LEF1: variants seen among roughly 807,000 people sequenced by gnomAD.
LEF1 encodes the protein lymphoid enhancer binding factor 1.
LEF1 carries 14 observed loss-of-function variants against 51.2 expected under a neutral mutation model. The ratio of observed to expected loss-of-function variants is 0.27; its 90% CI spans 0.18 to 0.43. The LOEUF is 0.43. Among genes scored for constraint, LEF1 ranks in the 20% least tolerant of loss-of-function variants. The pLI, the probability that LEF1 is intolerant of heterozygous loss-of-function variation, is 1.00. For synonymous variants in LEF1, 185 were observed against 183.2 expected, an observed-to-expected ratio of 1.01 and a Z score of -0.08; for missense variants, 386 against 512.0, an observed-to-expected ratio of 0.75 and a Z score of 2.37.
chr4:108,130,896 C>T (rs908660291), intron 3 of LEF1, among the ~76,000 whole-genome samples: 1 of 152,026 alleles, frequency 6.6e-6, no homozygotes, highest in Non-Finnish European at 1.5e-5. Flanking sequence ...CAATATTAAA[C>T]TACTGCATTT....
chr4:108,063,026 A>C (rs950113593), intron 11 of LEF1, among the ~76,000 whole-genome samples: 37 of 152,216 alleles, frequency 2.4e-4, no homozygotes, highest in African/African-American at 8.0e-4. Context: ...TAAATACTAG[A>C]GCAAAATCTA....
At chr4:108,077,651 G>A (rs1197142502) in intron 8 of LEF1, among the ~76,000 whole-genome samples, 2 of 142,186 alleles carry the variant, frequency 1.4e-5, no homozygotes, top group Non-Finnish European at 3.1e-5. Context: ...CCCGGCTGCC[G>A]CCCCGTCTGG....
rs1740397267 is a variant in LEF1, at chr4:108,096,401, T to A, written c.415-7144A>T. On this transcript the variant is annotated intron_variant, in intron 3 of 11. Coordinates refer to ENST00000265165, the MANE Select transcript of LEF1 (RefSeq NM_016269.5). The stretch of plus-strand genomic sequence containing the variant: ...GGCAGAGCGAGAATCCAATGGTTCA[T>A]CTTTTCTGGATCACAGACATGAAAA... Among the ~76,000 whole-genome samples, 2 of 152,208 alleles carry A rather than the reference T, an allele frequency of 1.3e-5. 1 individual carries two copies.
At position 108,163,420 on chromosome 4, in the gene LEF1, GC is replaced by G. The variant is rs1301795670; in HGVS notation, c.414+147del. 3 of 769,396 alleles carry G rather than the reference GC, an allele frequency of 3.9e-6. No individual in the cohort carries two copies. In the African/African-American group the frequency reaches 5.3e-5, roughly 14 times the overall value. The allele number at this position is 769,396 out of a possible 1,614,324, so 47.7% of individuals were successfully genotyped here. ...TCAAAGGTAGCACTGTTTTAAGGTGGCCATTCCTCATAACAGCTCTTATTTA... is the reference window on the plus strand; with the variant it reads ...TCAAAGGTAGCACTGTTTTAAGGTGGCATTCCTCATAACAGCTCTTATTTA... On this transcript the variant is annotated intron_variant, in intron 3 of 11. Transcript: ENST00000265165.
intron 1 of LEF1, chr4:108,166,530 G>T (rs1048252264): frequency 7.5e-5 from 98 of 1,298,546 alleles, no homozygotes; most frequent in Non-Finnish European, 9.3e-5. Flanking sequence ...GTGGAGTGTC[G>T]GGTATCAGGG....
At chr4:108,144,337 C>A (rs1025483119) in intron 3 of LEF1, among the ~76,000 whole-genome samples, 14 of 152,170 alleles carry the variant, frequency 9.2e-5, no homozygotes, top group African/African-American at 2.9e-4. Context: ...GCCCCAGGCA[C>A]ATGCTAAAGA....
chr4:108,075,506 G>C (rs1738798335), intron 8 of LEF1: 1 of 152,150 alleles, frequency 6.6e-6, no homozygotes, highest in Non-Finnish European at 1.5e-5. Flanking sequence ...CAAACACAGG[G>C]TCACAAATTA....
At chr4:108,126,274 C>T (rs1742519577) in intron 3 of LEF1, among the ~76,000 whole-genome samples, 1 of 152,092 alleles carries the variant, frequency 6.6e-6, no homozygotes, top group African/African-American at 2.4e-5. Context: ...TTTTAGCAAT[C>T]TCTCCACTGA....
intron 3 of LEF1, among the ~76,000 whole-genome samples, chr4:108,105,294 C>T (rs1472137245): frequency 6.6e-6 from 1 of 151,530 alleles, no homozygotes; most frequent in African/African-American, 2.4e-5. Context: ...AATTCTCCTG[C>T]CTCAGCCTCC....
chr4:108,157,173 T>C lies in LEF1; in HGVS notation c.414+6395A>G, dbSNP rs868738014. 2.8e-3 allele frequency among the ~76,000 whole-genome samples: 191 copies of C among 67,084 alleles called. 1 individual carries two copies. Among genetic ancestry groups the C allele is most frequent in the African/African-American group, 5.5e-3 (104 of 18,822 alleles). 44.0% of individuals were successfully genotyped at this position (67,084 alleles called of 152,430 possible). ...TTCTCTCTCTCTCTCTCTCTCTATATATATATACACACACACACACACACA... is the reference window on the plus strand; with the variant it reads ...TTCTCTCTCTCTCTCTCTCTCTATACATATATACACACACACACACACACA... On this transcript the variant is annotated intron_variant, in intron 3 of 11. Transcript: ENST00000265165.
intron 1 of LEF1, 128 bp from the exon 2 acceptor site, chr4:108,165,291 T>C (rs1335806044): frequency 1.3e-6 from 1 of 796,448 alleles, no homozygotes; most frequent in African/African-American, 1.7e-5. Flanking sequence ...TTTTATACTC[T>C]GAGAGACATA....
chr4:108,078,501 T>C (rs1739070557), intron 7 of LEF1, 119 bp from the exon 8 acceptor site: 1 of 1,306,094 alleles, frequency 7.7e-7, no homozygotes, highest in Admixed American at 1.7e-5. Context: ...GACAACCCTC[T>C]CACCCCAGAC....
intron 2 of LEF1, among the ~76,000 whole-genome samples, 197 bp from the exon 3 acceptor site, chr4:108,163,898 C>A (rs1246134509): frequency 6.6e-6 from 1 of 152,128 alleles, no homozygotes; most frequent in Non-Finnish European, 1.5e-5. Context: ...AGCAGCAAAC[C>A]AGATGTTTTA....
At chr4:108,126,939 TAAG>T (rs1742582252) in intron 3 of LEF1, among the ~76,000 whole-genome samples, 1 of 151,720 alleles carries the variant, frequency 6.6e-6, no homozygotes, top group Admixed American at 6.6e-5. Context: ...TCTCTGTCCT[TAAG>T]AATCTGTATG....
At chr4:108,056,220 CA>C (rs1419229701) in intron 11 of LEF1, among the ~76,000 whole-genome samples, 8 of 151,588 alleles carry the variant, frequency 5.3e-5, no homozygotes, top group Non-Finnish European at 1.2e-4. Context: ...GTGCTCTAAA[CA>C]TAAGGCTCAG....
chr4:108,113,244 T>C (rs996677218), intron 3 of LEF1, among the ~76,000 whole-genome samples: 2 of 152,170 alleles, frequency 1.3e-5, no homozygotes, highest in Non-Finnish European at 2.9e-5. Flanking sequence ...TGGAACCAGA[T>C]AGCATTTTGA....
At chr4:108,132,183 T>C (rs1043827049) in intron 3 of LEF1, among the ~76,000 whole-genome samples, 4 of 152,224 alleles carry the variant, frequency 2.6e-5, no homozygotes, top group Non-Finnish European at 4.4e-5. Context: ...GTCCGGCTGA[T>C]AGGAGCTCTC....
In LEF1 at chr4:108,148,603, G is replaced by C. The variant is rs539385000; in HGVS notation, c.414+14965C>G. On this transcript the variant is annotated intron_variant, in intron 3 of 11. Transcript: ENST00000265165. ...TCACTAATCTGTAAGCTTCTAGAGG[G>C]TGGTGACTCTGCTTTTATCATCATG... is the stretch of plus-strand genomic sequence containing the variant. Among the ~76,000 whole-genome samples the C allele has an allele frequency of 2.6e-5, 4 of 152,302 alleles. No homozygotes were observed. The East Asian group carries it at 5.8e-4, about 22-fold the overall frequency.
chr4:108,142,201 C>A (rs971248941), intron 3 of LEF1, among the ~76,000 whole-genome samples: 1 of 152,208 alleles, frequency 6.6e-6, no homozygotes, highest in Non-Finnish European at 1.5e-5. Context: ...ACCTGTCCCG[C>A]GCCCTTACCT....
Sources: allele counts gnomAD v4.1 joint callset (sites outside exome capture counted in the v4.1 genomes callset), GRCh38; gene constraint gnomAD v4.1.1; transcripts MANE v1.5; gene names NCBI Gene and HGNC (gene_info 2026-07-23, HGNC 2026-07-21).